GSE1: variants seen among roughly 807,000 people sequenced by gnomAD.
GSE1 encodes genetic suppressor element 1.
In GSE1, 32 loss-of-function variants were observed where a neutral mutation model predicts 112.6. The observed-to-expected ratio is 0.28, with a 90% CI of 0.21 to 0.38. GSE1 has a LOEUF of 0.38. Ranked by LOEUF, GSE1 falls within the 10% of genes least tolerant of loss-of-function variation. GSE1 has a pLI of 1.00. For missense variants in GSE1, 2,348 were observed against 1,699.2 expected (o/e 1.38, Z -6.71); for synonymous variants, 1,115 against 735.6 (o/e 1.52, Z -8.35).
intron 2 of GSE1, among the ~76,000 whole-genome samples, chr16:85,645,399 G>A (rs1043299926): frequency 6.6e-6 from 1 of 152,154 alleles, no homozygotes; most frequent in African/African-American, 2.4e-5. Context: ...TTGTGGAGCT[G>A]CCCTATCCAG....
intron 1 of GSE1, among the ~76,000 whole-genome samples, chr16:85,216,883 G>A (rs1485072879): frequency 4.6e-5 from 7 of 152,230 alleles, no homozygotes; most frequent in African/African-American, 1.7e-4. Flanking sequence ...ACAGAACTCA[G>A]TTTCCCCAAC....
chr16:85,275,754 C>T (rs962247639), intron 1 of GSE1, among the ~76,000 whole-genome samples: 10 of 152,182 alleles, frequency 6.6e-5, no homozygotes, highest in African/African-American at 2.4e-4. Context: ...GGAAACCAAG[C>T]GAAGGGATGA....
In GSE1 at chr16:85,320,860, G is replaced by A. The variant is rs527614401; in HGVS notation, c.2284-36603G>A. Among the ~76,000 whole-genome samples the A allele has an allele frequency of 5.3e-5, 8 of 152,262 alleles. No homozygotes were observed. The East Asian group carries it at 1.3e-3, about 26-fold the overall frequency. On this transcript the variant is annotated intron_variant, in intron 1 of 2. Coordinates refer to the GSE1 transcript ENST00000637419. ...GCTATTGCTCCACAGCACCAGGCAT[G>A]CTTGTGCCCCAGGGCCTTGGTACCT...
chr16:85,557,571 T>TA (rs2045298109), intron 1 of GSE1, among the ~76,000 whole-genome samples: 1 of 149,800 alleles, frequency 6.7e-6, no homozygotes, highest in African/African-American at 2.5e-5. Flanking sequence ...GGTTTCGGGT[T>TA]TTTTTTTTTC....
In GSE1 at chr16:85,412,765, C is replaced by G. The variant is rs78995693; in HGVS notation, c.2464+55122C>G. On this transcript the variant is annotated intron_variant, in intron 2 of 2. Transcript: ENST00000637419. ...ATCCTCACCGTTGCACTCAGGGTCC[C>G]TCTGATAATCCTCGCTGACCTCTCC... Among the ~76,000 whole-genome samples the G allele has an allele frequency of 3.3e-3, 501 of 151,972 alleles. 11 individuals carry two copies. The highest frequency in any genetic ancestry group is 0.011 in the African/African-American group (471 of 41,276).
chr16:85,197,162 G>C (rs2074943372), intron 1 of GSE1, among the ~76,000 whole-genome samples: 1 of 152,148 alleles, frequency 6.6e-6, no homozygotes, highest in Non-Finnish European at 1.5e-5. Context: ...TCGGAGCCTG[G>C]CGGGGAAGCC....
At position 85,522,868 on chromosome 16, in the gene GSE1, CTT is replaced by C. The variant is rs749156728; in HGVS notation, c.2465-111044_2465-111043del. Among the ~76,000 whole-genome samples the C allele has an allele frequency of 1.3e-4, 20 of 151,434 alleles. No individual in the cohort carries two copies. The South Asian group carries it at 2.9e-3, about 22-fold the overall frequency. On this transcript the variant is annotated intron_variant, in intron 2 of 2. Transcript: ENST00000637419. ...GTGTATGGGTGTGTGTTGTGTGTGACTTTGTTGTGTGCATGGCTGTGTGTTGT... is the reference window on the plus strand; with the variant it reads ...GTGTATGGGTGTGTGTTGTGTGTGACTGTTGTGTGCATGGCTGTGTGTTGT...
chr16:85,460,018 G>T (rs2049929672), intron 2 of GSE1, among the ~76,000 whole-genome samples: 1 of 152,142 alleles, frequency 6.6e-6, no homozygotes, highest in African/African-American at 2.4e-5. Context: ...TCCTTCTGCT[G>T]GGGTGCATGA....
intron 2 of GSE1, among the ~76,000 whole-genome samples, chr16:85,480,957 C>T (rs1238563282): frequency 6.6e-6 from 1 of 152,210 alleles, no homozygotes; most frequent in East Asian, 1.9e-4. Context: ...AACCGCAGGT[C>T]TTCCACCCCC....
chr16:85,369,519 C>T (rs1342804079), intron 2 of GSE1, among the ~76,000 whole-genome samples: 1 of 152,126 alleles, frequency 6.6e-6, no homozygotes, highest in Non-Finnish European at 1.5e-5. Context: ...TGAGCCCCCA[C>T]TTGCTCCTGT....
In GSE1 at chr16:85,488,706, G is replaced by A. The variant is rs149560164; in HGVS notation, c.2464+131063G>A. ...TCGAAGGATGTGCAGGAGTTGTGAG[G>A]TGGAGAGCAGAGGACAGAGTGATGG... On this transcript the variant is annotated intron_variant, in intron 2 of 2. Coordinates refer to the GSE1 transcript ENST00000637419. Among the ~76,000 whole-genome samples the A allele has an allele frequency of 3.8e-4, 58 of 152,284 alleles. 1 individual carries two copies. The highest frequency in any genetic ancestry group is 1.3e-3 in the African/African-American group (53 of 41,540).
intron 1 of GSE1, among the ~76,000 whole-genome samples, chr16:85,300,539 A>T (rs1373184217): frequency 6.6e-6 from 1 of 152,276 alleles, no homozygotes; most frequent in Admixed American, 6.5e-5. Context: ...ATGGACTCAC[A>T]CACACTGCGG....
At chr16:85,617,643 C>T (rs1051037770) in intron 1 of GSE1, among the ~76,000 whole-genome samples, 17 of 144,398 alleles carry the variant, frequency 1.2e-4, no homozygotes, top group Admixed American at 5.7e-4. Flanking sequence ...AAGCTGAGAC[C>T]CTGGCTCTGC....
chr16:85,675,285 T>G lies in GSE1; in HGVS notation c.*2746T>G, dbSNP rs539527578. The G allele has an allele frequency of 3.9e-5, 6 of 152,168 alleles. No individual in the cohort carries two copies. In the South Asian group the frequency reaches 1.3e-3, roughly 32 times the overall value. The allele number at this position is 152,168 out of a possible 1,614,324, so 9.4% of individuals were successfully genotyped here. On this transcript the variant is annotated 3_prime_UTR_variant, in exon 16 of 16. Coordinates refer to ENST00000253458, the MANE Select transcript of GSE1 (RefSeq NM_014615.5). Reference sequence around the variant, plus strand: ...CCTTAGACCATCTTCCTACATTACCTGGAAGGGAGCTGCCATCTGTCCCTC... The same window carrying G: ...CCTTAGACCATCTTCCTACATTACCGGGAAGGGAGCTGCCATCTGTCCCTC...
intron 2 of GSE1, among the ~76,000 whole-genome samples, chr16:85,507,704 A>C (rs1000257071): frequency 3.3e-5 from 5 of 152,006 alleles, no homozygotes; most frequent in African/African-American, 1.2e-4. Flanking sequence ...GATTAGGGCC[A>C]CCCGGGTGAC....
chr16:85,631,519 G>T (rs927174210), intron 1 of GSE1, among the ~76,000 whole-genome samples: 2 of 152,250 alleles, frequency 1.3e-5, no homozygotes, highest in Admixed American at 6.5e-5. Context: ...GGTGAGCATC[G>T]CAGACTCAGA....
At chr16:85,211,524 C>T (rs1178214099) in intron 1 of GSE1, among the ~76,000 whole-genome samples, 10 of 152,210 alleles carry the variant, frequency 6.6e-5, no homozygotes, top group African/African-American at 2.4e-4. Flanking sequence ...CTTCAGTCAT[C>T]CATACGGCGA....
intron 1 of GSE1, among the ~76,000 whole-genome samples, chr16:85,308,327 G>C (rs2045737494): frequency 6.6e-6 from 1 of 152,168 alleles, no homozygotes; most frequent in South Asian, 2.1e-4. Context: ...AGGACGCTGA[G>C]GGAACCTTTT....
chr16:85,229,843 A>G (rs1186734501), intron 1 of GSE1, among the ~76,000 whole-genome samples: 2 of 152,350 alleles, frequency 1.3e-5, no homozygotes, highest in East Asian at 1.9e-4. Flanking sequence ...GGCTCCAAAC[A>G]TCACATTCTC....
Sources: gnomAD v4.1 joint callset for allele counts (sites outside exome capture counted in the v4.1 genomes callset) on GRCh38, gnomAD v4.1.1 for gene constraint, MANE v1.5 for transcripts, NCBI Gene and HGNC (gene_info 2026-07-23, HGNC 2026-07-21) for gene names.